Variants in ENGASE observed in about 807,000 individuals in gnomAD.
ENGASE encodes the protein cytosolic endo-beta-N-acetylglucosaminidase.
In ENGASE, 69 loss-of-function variants were observed where a neutral mutation model predicts 78.5. The observed-to-expected ratio is 0.88, with a 90% CI of 0.72 to 1.07. ENGASE has a LOEUF of 1.07. ENGASE is among the 50% of genes least tolerant of loss of function. The pLI, the probability that ENGASE is intolerant of heterozygous loss-of-function variation, is 0.00. For missense variants in ENGASE, 943 were observed against 988.4 expected (o/e 0.95, Z 0.62); for synonymous variants, 408 against 408.9 (o/e 1.00, Z 0.03).
At position 79,083,008 on chromosome 17, in the gene ENGASE, C is replaced by T; in HGVS notation, c.1039-12C>T. ...GTCCTGATGTGCCCAGCGTCTCCCT[C>T]TGTCTCTTCAGTCGTTGGAGCTGAT... On this transcript the variant is annotated splice_polypyrimidine_tract_variant and intron_variant, in intron 7 of 13. Transcript: ENST00000579016. This position sits in a 1 kb window ranked among gnomAD's most constrained non-coding sequence, Gnocchi z 4.9. 1 of 1,612,954 alleles carries T rather than the reference C, an allele frequency of 6.2e-7. No homozygotes were observed. Among genetic ancestry groups the T allele is most frequent in the Non-Finnish European group, 8.5e-7 (1 of 1,179,356 alleles).
Position 79,079,642 on chromosome 17 carries a change from G to C in ENGASE, c.565+5G>C. On this transcript the variant is annotated splice_donor_5th_base_variant and intron_variant, in intron 4 of 13. Transcript: ENST00000579016. Reference sequence around the variant, plus strand: ...GGCATGGGGTCTGCGTGCTGGGTAAGAGCCAAGGACTCACCTCTGTGTCAG... The same window carrying C: ...GGCATGGGGTCTGCGTGCTGGGTAACAGCCAAGGACTCACCTCTGTGTCAG... 2 of 1,612,210 alleles carry C rather than the reference G, an allele frequency of 1.2e-6. No individual in the cohort carries two copies. Among genetic ancestry groups the C allele is most frequent in the Non-Finnish European group, 1.7e-6 (2 of 1,179,578 alleles).
chr17:79,084,268 T>A (rs1329765798), intron 10 of ENGASE: 3 of 86,918 alleles, frequency 3.5e-5, no homozygotes, highest in Non-Finnish European at 3.9e-5. Context: ...AAGCCACCCC[T>A]TTACTCTGCA....
In ENGASE at chr17:79,087,367, T is replaced by G; in HGVS notation, c.*1018T>G. ...CCCCTTGAGCAGCAGTCAGCACAGG[T>G]GCGTGGGGGCGTGAGGGAGGCAGGG... is the stretch of plus-strand genomic sequence containing the variant. On this transcript the variant is annotated 3_prime_UTR_variant, in exon 14 of 14. Coordinates refer to ENST00000579016, the MANE Select transcript of ENGASE (RefSeq NM_001042573.3). 3.7e-6 allele frequency: 1 copy of G among 270,190 alleles called. No individual in the cohort carries two copies. Among genetic ancestry groups the G allele is most frequent in the Non-Finnish European group, 7.5e-6 (1 of 132,992 alleles). The allele number at this position is 270,190 out of a possible 1,614,324, so 16.7% of individuals were successfully genotyped here.
intron 7 of ENGASE, 130 bp downstream of exon 7, chr17:79,082,193 C>T (rs1416097914): frequency 6.4e-7 from 1 of 1,571,324 alleles, no homozygotes; most frequent in South Asian, 1.2e-5. Context: ...GAGTGGGGAT[C>T]CCGTGGCACT....
chr17:79,082,619 C>T, intron 7 of ENGASE: 1 of 1,285,970 alleles, frequency 7.8e-7, no homozygotes, highest in Admixed American at 2.3e-5. Flanking sequence ...CCTGCCCGTT[C>T]CCAGAGCCCC....
At position 79,080,200 on chromosome 17, in the gene ENGASE, CTCACAG is replaced by C. The variant is rs754478554; in HGVS notation, c.566-6_566-1del. ...TGGCTGACCTTGTTTCTCTCCTATC[CTCACAG>C]GGACTTTCATCACGGAGTGGAATGA... On this transcript the variant is annotated splice_acceptor_variant and splice_polypyrimidine_tract_variant and intron_variant, in intron 4 of 13. Transcript: ENST00000579016. LOFTEE classifies it high-confidence loss of function. 6.3e-7 allele frequency: 1 copy of C among 1,585,526 alleles called. No individual in the cohort carries two copies. Among genetic ancestry groups the C allele is most frequent in the East Asian group, 2.3e-5 (1 of 44,012 alleles).
chr17:79,085,298 G>A lies in ENGASE; in HGVS notation c.1656G>A (p.Trp552Ter). The A allele has an allele frequency of 1.9e-6, 3 of 1,612,976 alleles. No individual in the cohort carries two copies. Among genetic ancestry groups the A allele is most frequent in the Non-Finnish European group, 2.5e-6 (3 of 1,179,798 alleles). ...TGCCCCCCACCAAGCTGGCCAGATGGGTGGGCCGCTGCGGCCGGCAGCTGA... is the reference window on the plus strand; with the variant it reads ...TGCCCCCCACCAAGCTGGCCAGATGAGTGGGCCGCTGCGGCCGGCAGCTGA... ...LRVPPTKLARWVGRCGRQLSG... is the reference protein window; with the variant it reads ...LRVPPTKLAR Residue 552 changes from tryptophan to a stop codon, truncating the protein, a stop_gained, in exon 12 of 14, where the codon TGG becomes TGA. Transcript: ENST00000579016. LOFTEE classifies it high-confidence loss of function.
rs2145980605 is a variant in ENGASE at position 79,079,566 on chromosome 17, G to C, written c.494G>C (p.Ser165Thr). The change falls in exon 4 of 14, where the codon AGC becomes ACC. Residue 165 changes from serine (S) to threonine (T), a missense_variant. By Grantham distance (58) the Ser-to-Thr change is moderately conservative (BLOSUM62 1). Coordinates refer to ENST00000579016, the MANE Select transcript of ENGASE (RefSeq NM_001042573.3). The part of the protein sequence containing the change: ...WQCIDVFVYF[S>T]HHTVTIPPVG... ...TGCATCGACGTCTTTGTGTACTTCA[G>C]CCACCACACCGTCACCATTCCCCCA... The C allele has an allele frequency of 6.2e-7, 1 of 1,614,048 alleles. No homozygotes were observed.
Position 79,083,109 on chromosome 17 carries a change from C to G in ENGASE, c.1128C>G (p.Phe376Leu). Residue 376 changes from phenylalanine (F) to leucine (L), a missense_variant, in exon 8 of 14, where the codon TTC (phenylalanine) becomes TTG (leucine). Coordinates refer to ENST00000579016, the MANE Select transcript of ENGASE (RefSeq NM_001042573.3). This position sits in a 1 kb window ranked among gnomAD's most constrained non-coding sequence, Gnocchi z 4.9. Reference protein sequence around the residue: ...VYECLEKKDFFQNQDKFWGRL... With the variant: ...VYECLEKKDFLQNQDKFWGRL... Reference sequence around the variant, plus strand: ...AGTGTCTGGAGAAGAAGGATTTCTTCCAGAACCAGGACAAGTGAGTCCTGC... The same window carrying G: ...AGTGTCTGGAGAAGAAGGATTTCTTGCAGAACCAGGACAAGTGAGTCCTGC... The G allele has an allele frequency of 6.2e-7, 1 of 1,613,258 alleles. No individual in the cohort carries two copies. The highest frequency in any genetic ancestry group is 1.1e-5 in the South Asian group (1 of 91,004).
chr17:79,083,625 G>A lies in ENGASE; in HGVS notation c.1251+35G>A. 1.9e-6 allele frequency: 3 copies of A among 1,591,760 alleles called. No homozygotes were observed. The highest frequency in any genetic ancestry group is 2.6e-6 in the Non-Finnish European group (3 of 1,160,370). On this transcript the variant is annotated intron_variant, in intron 9 of 13. Coordinates refer to ENST00000579016, the MANE Select transcript of ENGASE (RefSeq NM_001042573.3). This position sits in a 1 kb window ranked among gnomAD's most constrained non-coding sequence, Gnocchi z 4.9. ...TGTCTTCCCTCCGTGTCTGTCCTCT[G>A]GCCTCAGCTGGGACAGGTGGGAGGA...
chr17:79,082,094 G>A (rs759969519), intron 7 of ENGASE, 31 bp downstream of exon 7: 7 of 1,613,978 alleles, frequency 4.3e-6, no homozygotes, highest in East Asian at 2.2e-5. Flanking sequence ...AAGGGCCAGC[G>A]GCCCAGTGCC....
At position 79,084,561 on chromosome 17, in the gene ENGASE, T is replaced by C. The variant is rs755621045; in HGVS notation, c.1466T>C (p.Val489Ala). Residue 489 changes from valine to alanine, a missense_variant, in exon 11 of 14, where the codon GTG (valine) becomes GCG (alanine). Coordinates refer to ENST00000579016, the MANE Select transcript of ENGASE (RefSeq NM_001042573.3). Reference sequence around the variant, plus strand: ...AGGTTATTTTCCCTGCAGGCCCCAGTGCCACCCAAGATTTACCTGTCCATG... The same window carrying C: ...AGGTTATTTTCCCTGCAGGCCCCAGCGCCACCCAAGATTTACCTGTCCATG... ...AVRLFSLQAPVPPKIYLSMVY... is the reference protein window; with the variant it reads ...AVRLFSLQAPAPPKIYLSMVY... The C allele has an allele frequency of 6.3e-7, 1 of 1,591,466 alleles. No individual in the cohort carries two copies. Among genetic ancestry groups the C allele is most frequent in the East Asian group, 2.3e-5 (1 of 43,140 alleles).
Position 79,074,922 on chromosome 17 carries a change from TC to T in ENGASE, c.-22del. 1.1e-5 allele frequency: 14 copies of T among 1,259,062 alleles called. No homozygotes were observed. Among genetic ancestry groups the T allele is most frequent in the Non-Finnish European group, 1.4e-5 (14 of 1,001,520 alleles). The allele number at this position is 1,259,062 out of a possible 1,614,324, so 78.0% of individuals were successfully genotyped here. On this transcript the variant is annotated 5_prime_UTR_variant, in exon 1 of 14. Transcript: ENST00000579016. Reference sequence around the variant, plus strand: ...GGGCGGGCCCGGGCCTGCGATTGCCTCTCGGCGTGCGCGGACAGTGTCATGG... The same window carrying T: ...GGGCGGGCCCGGGCCTGCGATTGCCTTCGGCGTGCGCGGACAGTGTCATGG...
Position 79,087,455 on chromosome 17 carries a change from G to C in ENGASE, c.*1106G>C. 1 of 199,820 alleles carries C rather than the reference G, an allele frequency of 5.0e-6. No homozygotes were observed. The highest frequency in any genetic ancestry group is 8.2e-5 in the South Asian group (1 of 12,128). 12.4% of individuals were successfully genotyped at this position (199,820 alleles called of 1,614,324 possible). ...TTTCTTCTCTGCCCAGGCCGCTGCA[G>C]CTGCACAGCCTCTGCTACACCTGGG... On this transcript the variant is annotated 3_prime_UTR_variant, in exon 14 of 14. Transcript: ENST00000579016.
At chr17:79,082,607 G>T in intron 7 of ENGASE, 1 of 1,275,498 alleles carries the variant, frequency 7.8e-7, no homozygotes, top group East Asian at 5.5e-5. Context: ...TGGTCTATCA[G>T]TCCTGCCCGT....
chr17:79,083,964 C>T lies in ENGASE; in HGVS notation c.1442+13C>T, dbSNP rs372741346. 61 of 1,606,662 alleles carry T rather than the reference C, an allele frequency of 3.8e-5. No individual in the cohort carries two copies. In the African/African-American group the frequency reaches 4.4e-4, roughly 12 times the overall value. On this transcript the variant is annotated intron_variant, in intron 10 of 13. Coordinates refer to ENST00000579016, the MANE Select transcript of ENGASE (RefSeq NM_001042573.3). The surrounding 1 kb of genome is among the most constrained non-coding windows in gnomAD (Gnocchi z 4.9). The stretch of plus-strand genomic sequence containing the variant: ...ATGTGGCTGTGAGGTGGGTGAGTGA[C>T]GGAGGACGGTGGGCCCACCAGCTTC...
At chr17:79,084,085 T>C in intron 10 of ENGASE, 134 bp downstream of exon 10, 1 of 740,780 alleles carries the variant, frequency 1.3e-6, no homozygotes, top group Non-Finnish European at 2.2e-6. Flanking sequence ...TTTAAAATTG[T>C]GATCAAAAAT....
chr17:79,077,992 G>A, intron 3 of ENGASE, 128 bp downstream of exon 3: 1 of 912,938 alleles, frequency 1.1e-6, no homozygotes, highest in Non-Finnish European at 1.6e-6. Flanking sequence ...ACGGGCATTG[G>A]AGGGATGGCA....
Position 79,075,039 on chromosome 17 carries a change from A to T in ENGASE, c.95A>T (p.Glu32Val). The change falls in exon 1 of 14, where the codon GAG becomes GTG. Residue 32 changes from glutamate to valine, a missense_variant. Glu to Val is a moderately radical substitution (Grantham distance 121). Transcript: ENST00000579016. ...GLAAPEAGTQ[E>V]EQEDQEPRPR... ...GCGGCCCCGGAGGCGGGGACGCAGG[A>T]GGAGCAGGAGGATCAGGAGCCGCGG... 1.7e-6 allele frequency: 2 copies of T among 1,197,846 alleles called. No individual in the cohort carries two copies. The highest frequency in any genetic ancestry group is 4.2e-5 in the South Asian group (1 of 23,862). The allele number at this position is 1,197,846 out of a possible 1,614,324, so 74.2% of individuals were successfully genotyped here.
Sources: gnomAD v4.1 joint callset for allele counts on GRCh38, gnomAD v4.1.1 for gene constraint, Gnocchi (gnomAD v3.1) non-coding constraint, MANE v1.5 for transcripts, NCBI Gene and HGNC (gene_info 2026-07-23, HGNC 2026-07-21) for gene names.